The following SLC6A20 variants were observed in gnomAD, a reference collection of about 807,000 sequenced individuals.
SLC6A20 encodes solute carrier family 6 member 20.
SLC6A20 carries 73 observed loss-of-function variants against 64.3 expected under a neutral mutation model. That is an observed-to-expected ratio of 1.14 (90% confidence interval 0.94 to 1.38). The LOEUF (loss-of-function observed/expected upper bound fraction) is 1.38, where lower values mean the gene tolerates loss of function less well. Among genes scored for constraint, SLC6A20 ranks in the 40% most tolerant of loss-of-function variants. SLC6A20 has a pLI of 0.00. For missense variants in SLC6A20, 725 were observed against 772.8 expected (o/e 0.94, Z 0.73); for synonymous variants, 347 against 329.6 (o/e 1.05, Z -0.57).
At position 45,759,830 on chromosome 3, in the gene SLC6A20, C is replaced by T. The variant is rs767230251; in HGVS notation, c.1629+27G>A. 20 of 1,589,378 alleles carry T rather than the reference C, an allele frequency of 1.3e-5. No homozygotes were observed. In the Admixed American group the frequency reaches 1.3e-4, roughly 10 times the overall value. On this transcript the variant is annotated intron_variant, in intron 10 of 10. Transcript: ENST00000358525. ...CTTTTCAGTGGCCATGGGGGCCCAGCGCCAGCCCTACGGAGACAGTAGATA... is the reference window on the plus strand; with the variant it reads ...CTTTTCAGTGGCCATGGGGGCCCAGTGCCAGCCCTACGGAGACAGTAGATA...
chr3:45,766,609 T>C (rs1431659899), intron 7 of SLC6A20, among the ~76,000 whole-genome samples: 3 of 152,240 alleles, frequency 2.0e-5, no homozygotes, highest in Non-Finnish European at 4.4e-5. Context: ...TGACTGTATC[T>C]GGAGATAGGG....
rs1009493881 is a variant in SLC6A20, at chr3:45,761,745, A to C, written c.1463+1168T>G. Reference sequence around the variant, plus strand: ...GTGAAAAGGCATTCCTTGACCAAGTAAGTCTGGAAATGCTGCAATTCTAAC... The same window carrying C: ...GTGAAAAGGCATTCCTTGACCAAGTCAGTCTGGAAATGCTGCAATTCTAAC... On this transcript the variant is annotated intron_variant, in intron 9 of 10. Coordinates refer to ENST00000358525, the MANE Select transcript of SLC6A20 (RefSeq NM_020208.4). 3.3e-5 allele frequency among the ~76,000 whole-genome samples: 5 copies of C among 152,278 alleles called. No homozygotes were observed. The South Asian group carries it at 6.2e-4, about 19-fold the overall frequency.
chr3:45,773,645 G>T (rs761989748), intron 4 of SLC6A20, among the ~76,000 whole-genome samples: 2 of 152,154 alleles, frequency 1.3e-5, no homozygotes, highest in Non-Finnish European at 2.9e-5. Context: ...GAGTCTCTCT[G>T]TGAGAAATAT....
intron 5 of SLC6A20, 139 bp downstream of exon 5, chr3:45,772,355 TCCACACTCCTG>T (rs1255835881): frequency 1.6e-6 from 1 of 613,006 alleles, no homozygotes; most frequent in African/African-American, 1.9e-5. Flanking sequence ...CTGCAGGTAC[TCCACACTCCTG>T]CCACACCCTG....
intron 9 of SLC6A20, among the ~76,000 whole-genome samples, chr3:45,762,110 T>C (rs1699694720): frequency 6.6e-6 from 1 of 152,178 alleles, no homozygotes; most frequent in African/African-American, 2.4e-5. Context: ...CCCCTGGACA[T>C]AGTGTGAAGA....
Position 45,758,532 on chromosome 3 carries a change from CACTGACA to C in SLC6A20, c.*439_*445del. ...AAAAAGAAGAGAATTAATTTTGCAC[CACTGACA>C]AATAGGTCATCTTAGGCACTTCAAA... On this transcript the variant is annotated 3_prime_UTR_variant, in exon 11 of 11. Transcript: ENST00000358525. 1 of 1,162,974 alleles carries C rather than the reference CACTGACA, an allele frequency of 8.6e-7. No homozygotes were observed. The highest frequency in any genetic ancestry group is 1.1e-6 in the Non-Finnish European group (1 of 928,580). 72.0% of individuals were successfully genotyped at this position (1,162,974 alleles called of 1,614,324 possible). A position where few individuals can be genotyped will look rare whatever the true frequency, so the allele number is the denominator to read the frequency against.
intron 9 of SLC6A20, among the ~76,000 whole-genome samples, chr3:45,762,211 C>T (rs1390549395): frequency 2.0e-5 from 3 of 152,364 alleles, no homozygotes; most frequent in South Asian, 4.1e-4. Context: ...CTAGGGACCA[C>T]ACTTGAGGTA....
chr3:45,787,826 T>C (rs114343080), intron 1 of SLC6A20, among the ~76,000 whole-genome samples: 2,303 of 152,224 alleles, frequency 0.015, 56 homozygotes, highest in African/African-American at 0.052. Flanking sequence ...TGGCACAGAG[T>C]AGGTGCTCAG....
Position 45,780,042 on chromosome 3 carries a change from G to T in SLC6A20, c.321C>A (p.Ala107=), listed in dbSNP as rs751968955. Residue 107 remains alanine (A), a synonymous_variant, in exon 3 of 11, where the codon GCC becomes GCA. Coordinates refer to ENST00000358525, the MANE Select transcript of SLC6A20 (RefSeq NM_020208.4). ...AGTGGAAGAGGTACCAGAAGGCCCA[G>T]GCGTTGATGACGTTGTAGTACATGG... is the stretch of plus-strand genomic sequence containing the variant. ...FLSMYYNVIN[A]WAFWYLFHSF... 2.6e-5 allele frequency: 42 copies of T among 1,605,388 alleles called. No individual in the cohort carries two copies. The South Asian group carries it at 4.3e-4, about 16-fold the overall frequency.
At chr3:45,789,408 CG>C (rs1428299128) in intron 1 of SLC6A20, among the ~76,000 whole-genome samples, 1 of 152,034 alleles carries the variant, frequency 6.6e-6, no homozygotes, top group East Asian at 1.9e-4. Flanking sequence ...TAAATATAAA[CG>C]GATCAAATTC....
intron 1 of SLC6A20, among the ~76,000 whole-genome samples, chr3:45,783,161 C>T (rs1700124586): frequency 6.6e-6 from 1 of 152,168 alleles, no homozygotes; most frequent in Non-Finnish European, 1.5e-5. Flanking sequence ...TGCTCCCTGC[C>T]CTTGAGGTTC....
chr3:45,773,893 G>C (rs1266955939), intron 4 of SLC6A20, among the ~76,000 whole-genome samples: 1 of 152,230 alleles, frequency 6.6e-6, no homozygotes, highest in Non-Finnish European at 1.5e-5. Flanking sequence ...CCAGGTAAGA[G>C]AGATGAAAAG....
intron 1 of SLC6A20, among the ~76,000 whole-genome samples, chr3:45,789,816 T>C (rs180890026): frequency 1.3e-5 from 2 of 152,332 alleles, no homozygotes; most frequent in East Asian, 1.9e-4. Context: ...GATCTTGAAC[T>C]CCTGAGCTCA....
chr3:45,762,151 GC>G (rs1471944194), intron 9 of SLC6A20, among the ~76,000 whole-genome samples: 5 of 152,216 alleles, frequency 3.3e-5, no homozygotes, highest in African/African-American at 1.2e-4. Flanking sequence ...GATGGGGTGG[GC>G]CCGAGCTTCT....
At chr3:45,760,372 G>C (rs902499462) in intron 9 of SLC6A20, among the ~76,000 whole-genome samples, 1 of 152,226 alleles carries the variant, frequency 6.6e-6, no homozygotes, top group Non-Finnish European at 1.5e-5. Flanking sequence ...ACATTTGTCA[G>C]GCTGGTCATC....
At chr3:45,794,889 T>C (rs913977460) in intron 1 of SLC6A20, among the ~76,000 whole-genome samples, 1 of 152,202 alleles carries the variant, frequency 6.6e-6, no homozygotes, top group African/African-American at 2.4e-5. Flanking sequence ...GCCCTTCACA[T>C]CATTATGGTG....
chr3:45,779,860 A>T, intron 3 of SLC6A20, 149 bp downstream of exon 3: 1 of 806,700 alleles, frequency 1.2e-6, no homozygotes, highest in Non-Finnish European at 1.9e-6. Context: ...TTTGGGGTGC[A>T]TGGCTTCCCC....
At chr3:45,795,439 A>G (rs552937201) in intron 1 of SLC6A20, among the ~76,000 whole-genome samples, 1 of 152,220 alleles carries the variant, frequency 6.6e-6, no homozygotes, top group African/African-American at 2.4e-5. Flanking sequence ...GGAAGTTGCC[A>G]ATGTTTTGCT....
rs780304128 is a variant in SLC6A20, at chr3:45,770,279, G to A, written c.1028C>T (p.Ala343Val). 6.2e-6 allele frequency: 10 copies of A among 1,614,188 alleles called. No individual in the cohort carries two copies. The South Asian group carries it at 1.1e-4, about 18-fold the overall frequency. Residue 343 changes from alanine (A) to valine (V), a missense_variant, in exon 7 of 11, where the codon GCC becomes GTC. Coordinates refer to ENST00000358525, the MANE Select transcript of SLC6A20 (RefSeq NM_020208.4). ...CATCTCGCTGTATTTGCTTGGGTAG[G>A]CAGATGCGAGGTAGCCCTTCACCTG... ...LEQVKGYLAS[A>V]YPSKYSEMFP...
Sources: gnomAD v4.1 joint callset for allele counts (sites outside exome capture counted in the v4.1 genomes callset) on GRCh38, gnomAD v4.1.1 for gene constraint, MANE v1.5 for transcripts, NCBI Gene and HGNC (gene_info 2026-07-23, HGNC 2026-07-21) for gene names.